Variants in NRXN3 observed in about 807,000 individuals in gnomAD.
NRXN3 encodes neurexin III.
A neutral mutation model predicts 137.6 loss-of-function variants in NRXN3; 32 were observed. That is an observed-to-expected ratio of 0.23 (90% CI 0.18 to 0.31). The LOEUF (loss-of-function observed/expected upper bound fraction) is 0.31, where lower values mean the gene tolerates loss of function less well. Among genes scored for constraint, NRXN3 ranks in the 10% least tolerant of loss-of-function variants. The pLI, the probability that NRXN3 is intolerant of heterozygous loss-of-function variation, is 1.00. For missense variants in NRXN3, 1,574 were observed against 2,062.5 expected, an observed-to-expected ratio of 0.76 and a Z score of 4.59; for synonymous variants, 798 against 784.5, an observed-to-expected ratio of 1.02 and a Z score of -0.29.
At chr14:78,805,986 A>G (rs1162981506) in intron 9 of NRXN3, among the ~76,000 whole-genome samples, 1 of 149,626 alleles carries the variant, frequency 6.7e-6, no homozygotes, top group African/African-American at 2.5e-5. Flanking sequence ...TAGAAGCATT[A>G]TTTTTGTATT....
intron 11 of NRXN3, among the ~76,000 whole-genome samples, chr14:78,962,779 T>G (rs2099410575): frequency 6.6e-6 from 1 of 152,098 alleles, no homozygotes; most frequent in African/African-American, 2.4e-5. Context: ...GGTGGCATGA[T>G]GTCGACTCAC....
At chr14:79,162,551 C>T (rs1017916250) in intron 15 of NRXN3, among the ~76,000 whole-genome samples, 7 of 151,782 alleles carry the variant, frequency 4.6e-5, no homozygotes, top group Non-Finnish European at 8.8e-5. Context: ...CATGAACAGA[C>T]ACTTCTCAAA....
intron 15 of NRXN3, among the ~76,000 whole-genome samples, chr14:79,242,068 G>GA (rs368302972): frequency 0.29 from 42,292 of 147,082 alleles, 7,102 homozygotes; most frequent in Admixed American, 0.46. Flanking sequence ...CTCCATCTCA[G>GA]AAAAAAAAAA....
At chr14:79,800,178 C>CA (rs2099173304) in intron 19 of NRXN3, among the ~76,000 whole-genome samples, 2 of 152,162 alleles carry the variant, frequency 1.3e-5, no homozygotes, top group East Asian at 3.8e-4. Flanking sequence ...TTTAGACAAT[C>CA]ATTGTGAGGG....
intron 4 of NRXN3, among the ~76,000 whole-genome samples, chr14:78,524,589 C>T (rs985522174): frequency 3.9e-5 from 6 of 152,042 alleles, no homozygotes; most frequent in Non-Finnish European, 5.9e-5. Flanking sequence ...CTTCCCCAGG[C>T]GATTTTTCTG....
intron 15 of NRXN3, among the ~76,000 whole-genome samples, chr14:79,422,313 C>G (rs181625007): frequency 8.7e-4 from 132 of 152,240 alleles, no homozygotes; most frequent in Middle Eastern, 3.4e-3. Context: ...TTCCTCCCTC[C>G]TCAGCCTCCC....
At chr14:78,948,628 C>CTTTTTTTTTTT (rs201010514) in intron 10 of NRXN3, among the ~76,000 whole-genome samples, 51 of 108,634 alleles carry the variant, frequency 4.7e-4, no homozygotes, top group African/African-American at 5.5e-4. Context: ...ACACATTTAA[C>CTTTTTTTTTTT]TTTTTTTTTT....
Position 78,677,594 on chromosome 14 carries a change from G to A in NRXN3, c.1221+26268G>A, listed in dbSNP as rs80315265. Among the ~76,000 whole-genome samples, 1,006 of 152,230 alleles carry A rather than the reference G, an allele frequency of 6.6e-3. 16 individuals carry two copies. The highest frequency in any genetic ancestry group is 0.023 in the African/African-American group (948 of 41,542). On this transcript the variant is annotated intron_variant, in intron 6 of 20. Coordinates refer to ENST00000335750, the MANE Select transcript of NRXN3 (RefSeq NM_001330195.2). ...AAGATGCTGTGGACAATGTTGAAAC[G>A]ACAACAAAGGACTTAGAATATTACA...
chr14:79,505,130 G>A (rs1016856847), intron 16 of NRXN3, among the ~76,000 whole-genome samples: 4 of 151,356 alleles, frequency 2.6e-5, no homozygotes, highest in African/African-American at 4.9e-5. Flanking sequence ...CAGGAGAATC[G>A]CTTGAACTTA....
At chr14:79,271,962 A>G (rs1459473524) in intron 15 of NRXN3, among the ~76,000 whole-genome samples, 1 of 152,180 alleles carries the variant, frequency 6.6e-6, no homozygotes, top group East Asian at 1.9e-4. Context: ...CAAAAAGTTT[A>G]AGGTAACTTG....
intron 4 of NRXN3, among the ~76,000 whole-genome samples, chr14:78,482,153 A>G (rs2095483405): frequency 6.6e-6 from 1 of 152,158 alleles, no homozygotes; most frequent in African/African-American, 2.4e-5. Flanking sequence ...TCAGCTGACT[A>G]CTATATCTTT....
Position 79,614,514 on chromosome 14 carries a change from G to A in NRXN3, c.3445-49264G>A, listed in dbSNP as rs570290006. Among the ~76,000 whole-genome samples the A allele has an allele frequency of 2.3e-4, 35 of 152,168 alleles. 1 individual carries two copies. In the South Asian group the frequency reaches 7.0e-3, roughly 31 times the overall value. Reference sequence around the variant, plus strand: ...CTTTGGAAGTAACATTTGATCTACCGCCGAATATAGATCCCCTTCCTTCCC... The same window carrying A: ...CTTTGGAAGTAACATTTGATCTACCACCGAATATAGATCCCCTTCCTTCCC... On this transcript the variant is annotated intron_variant, in intron 16 of 20. Coordinates refer to ENST00000335750, the MANE Select transcript of NRXN3 (RefSeq NM_001330195.2).
chr14:78,271,475 T>TA (rs2072723066), intron 2 of NRXN3, among the ~76,000 whole-genome samples: 2 of 88,492 alleles, frequency 2.3e-5, no homozygotes, highest in East Asian at 3.0e-4. Flanking sequence ...TCTAAAGCAT[T>TA]TAAAAAAAAA....
intron 15 of NRXN3, among the ~76,000 whole-genome samples, chr14:79,357,620 C>A (rs2093472525): frequency 6.6e-6 from 1 of 152,134 alleles, no homozygotes; most frequent in South Asian, 2.1e-4. Context: ...GCACTCTTCC[C>A]CAAAGCCATT....
intron 10 of NRXN3, among the ~76,000 whole-genome samples, chr14:78,931,180 A>G (rs532732369): frequency 1.3e-5 from 2 of 152,216 alleles, no homozygotes; most frequent in African/African-American, 4.8e-5. Flanking sequence ...GAATTAATCA[A>G]CCTTTGTAAT....
At chr14:79,217,051 C>T (rs774300454) in intron 15 of NRXN3, among the ~76,000 whole-genome samples, 3 of 151,920 alleles carry the variant, frequency 2.0e-5, no homozygotes, top group Non-Finnish European at 4.4e-5. Flanking sequence ...GCTGGAGGAT[C>T]GCTTGAAACC....
intron 10 of NRXN3, among the ~76,000 whole-genome samples, chr14:78,937,504 T>C (rs1238875304): frequency 6.6e-6 from 1 of 152,204 alleles, no homozygotes. Context: ...TTACCCTTCT[T>C]AATTGAACAT....
chr14:79,320,801 CAT>C (rs1441159263), intron 15 of NRXN3, among the ~76,000 whole-genome samples: 10 of 151,228 alleles, frequency 6.6e-5, no homozygotes, highest in Admixed American at 5.9e-4. Flanking sequence ...CAAAACGTGT[CAT>C]ATGTGGATAG....
intron 15 of NRXN3, among the ~76,000 whole-genome samples, chr14:79,205,472 C>A (rs188164152): frequency 6.6e-6 from 1 of 152,146 alleles, no homozygotes; most frequent in East Asian, 1.9e-4. Context: ...AAGTTTGTTA[C>A]TCAATCTTAT....
Sources: allele counts gnomAD v4.1 joint callset (sites outside exome capture counted in the v4.1 genomes callset), GRCh38; gene constraint gnomAD v4.1.1; transcripts MANE v1.5; gene names NCBI Gene and HGNC (gene_info 2026-07-23, HGNC 2026-07-21).